The following SHISA9 variants were observed in gnomAD, a reference collection of about 807,000 sequenced individuals.
SHISA9 encodes protein shisa-9.
A neutral mutation model predicts 38.0 loss-of-function variants in SHISA9; 13 were observed. The observed-to-expected ratio is 0.34, with a 90% CI of 0.22 to 0.54. SHISA9 has a LOEUF of 0.54. Among genes scored for constraint, SHISA9 ranks in the 20% least tolerant of loss-of-function variants. The pLI is 0.91. For missense variants in SHISA9, 538 were observed against 575.8 expected (o/e 0.93, Z 0.67); for synonymous variants, 275 against 242.0 (o/e 1.14, Z -1.27).
chr16:13,069,609 G>C (rs1413753192), intron 2 of SHISA9, among the ~76,000 whole-genome samples: 3 of 152,188 alleles, frequency 2.0e-5, no homozygotes, highest in East Asian at 1.9e-4. Context: ...GTGCATGTGT[G>C]TACATGCAAT....
chr16:13,221,772 A>C (rs1310493985), intron 4 of SHISA9, among the ~76,000 whole-genome samples: 1 of 152,198 alleles, frequency 6.6e-6, no homozygotes, highest in East Asian at 1.9e-4. Flanking sequence ...TATAACCATT[A>C]GTAGACATTT....
At chr16:13,377,819 G>A in the SHISA9 span, among the ~76,000 whole-genome samples, 1 of 152,168 alleles carries the variant, frequency 6.6e-6, no homozygotes, top group African/African-American at 2.4e-5. Flanking sequence ...CTTGAGGTCA[G>A]GAGTTCGAGA....
chr16:13,016,413 C>T (rs536604959), intron 2 of SHISA9, among the ~76,000 whole-genome samples: 1 of 152,150 alleles, frequency 6.6e-6, no homozygotes, highest in Non-Finnish European at 1.5e-5. Context: ...CTTCTTTGAA[C>T]AGGGGAATAG....
At chr16:13,209,455 T>A (rs2051097630) in intron 3 of SHISA9, among the ~76,000 whole-genome samples, 1 of 152,224 alleles carries the variant, frequency 6.6e-6, no homozygotes, top group Non-Finnish European at 1.5e-5. Context: ...AGTCTAGACC[T>A]CTTCAAGTTC....
At chr16:12,992,983 A>C (rs376626531) in intron 2 of SHISA9, among the ~76,000 whole-genome samples, 74 of 152,368 alleles carry the variant, frequency 4.9e-4, no homozygotes, top group African/African-American at 1.7e-3. Flanking sequence ...CTTCTAGCGT[A>C]GGATTGTCTG....
chr16:13,412,414 C>G, the SHISA9 span, among the ~76,000 whole-genome samples: 1 of 152,106 alleles, frequency 6.6e-6, no homozygotes, highest in East Asian at 1.9e-4. Context: ...CTCTTCAATT[C>G]TCTTTCTTTC....
chr16:13,203,282 T>TG (rs2051023817), intron 2 of SHISA9, 112 bp from the exon 3 acceptor site: 1 of 1,079,334 alleles, frequency 9.3e-7, no homozygotes, highest in East Asian at 2.9e-5. Flanking sequence ...TTTTGCGACT[T>TG]GCGTCCCTAA....
intron 2 of SHISA9, among the ~76,000 whole-genome samples, chr16:13,127,613 A>C (rs1348086963): frequency 6.6e-6 from 1 of 152,168 alleles, no homozygotes; most frequent in Non-Finnish European, 1.5e-5. Flanking sequence ...CAGCTCCTGC[A>C]GAGTTTCTCT....
intron 2 of SHISA9, among the ~76,000 whole-genome samples, chr16:12,986,738 G>A (rs1446148160): frequency 6.6e-6 from 1 of 152,210 alleles, no homozygotes; most frequent in East Asian, 1.9e-4. Flanking sequence ...ATGGTTCTGA[G>A]GGTTTTCTCT....
At chr16:13,463,390 G>T in the SHISA9 span, among the ~76,000 whole-genome samples, 5 of 152,206 alleles carry the variant, frequency 3.3e-5, no homozygotes, top group African/African-American at 1.2e-4. Context: ...AAGAGTTCTT[G>T]AAAGTTGTGG....
chr16:13,193,357 C>G (rs986950761), intron 2 of SHISA9, among the ~76,000 whole-genome samples: 1 of 151,904 alleles, frequency 6.6e-6, no homozygotes, highest in African/African-American at 2.4e-5. Context: ...TTTTATTTGG[C>G]CTTTTTATTT....
chr16:13,308,373 C>T, the SHISA9 span, among the ~76,000 whole-genome samples: 1 of 152,176 alleles, frequency 6.6e-6, no homozygotes, highest in African/African-American at 2.4e-5. Context: ...AAGAGACTGG[C>T]ACCCATGGTA....
intron 2 of SHISA9, among the ~76,000 whole-genome samples, chr16:13,161,186 G>C (rs189216943): frequency 6.6e-6 from 1 of 152,268 alleles, no homozygotes; most frequent in East Asian, 1.9e-4. Flanking sequence ...CTGTCCAGAG[G>C]TTTTAGAGAT....
intron 2 of SHISA9, among the ~76,000 whole-genome samples, chr16:13,095,724 G>A (rs2073818502): frequency 6.6e-6 from 1 of 152,208 alleles, no homozygotes. Flanking sequence ...TCTCACCAGT[G>A]TACTCTCAGC....
chr16:13,483,525 C>T, the SHISA9 span, among the ~76,000 whole-genome samples: 1 of 152,124 alleles, frequency 6.6e-6, no homozygotes, highest in East Asian at 1.9e-4. Flanking sequence ...CAATCCATGG[C>T]TCATAGCTTC....
the SHISA9 span, among the ~76,000 whole-genome samples, chr16:13,532,754 C>T: frequency 1.1e-4 from 17 of 152,212 alleles, no homozygotes; most frequent in African/African-American, 4.1e-4. Flanking sequence ...AAACCTTCAC[C>T]ATCCACAGAT....
chr16:13,136,396 C>CTTTTTT (rs35122409), intron 2 of SHISA9, among the ~76,000 whole-genome samples: 19 of 68,096 alleles, frequency 2.8e-4, no homozygotes, highest in African/African-American at 7.5e-4. Flanking sequence ...CAGTTTCCTT[C>CTTTTTT]TTTTTTTTTT....
intron 2 of SHISA9, among the ~76,000 whole-genome samples, chr16:12,996,523 C>T (rs1391098494): frequency 1.3e-5 from 2 of 152,162 alleles, no homozygotes; most frequent in Non-Finnish European, 2.9e-5. Context: ...ACCAGCATGG[C>T]CCCCAGGGTG....
At chr16:13,476,759 TTTTTTTTG>T in the SHISA9 span, among the ~76,000 whole-genome samples, 1 of 126,250 alleles carries the variant, frequency 7.9e-6, no homozygotes, top group African/African-American at 3.3e-5. Flanking sequence ...TTTTTTTTTT[TTTTTTTTG>T]AGACGGAGTC....
Sources: allele counts gnomAD v4.1 joint callset (sites outside exome capture counted in the v4.1 genomes callset), GRCh38; gene constraint gnomAD v4.1.1; transcripts MANE v1.5; gene names NCBI Gene and HGNC (gene_info 2026-07-23, HGNC 2026-07-21).